Variants in PDGFRA observed in about 807,000 individuals in gnomAD.
The protein encoded by PDGFRA is platelet-derived growth factor receptor alpha.
Under a neutral mutation model 121.5 loss-of-function variants are expected in PDGFRA, and 25 were observed. That is an observed-to-expected ratio of 0.21 (90% CI 0.15 to 0.29). PDGFRA has a LOEUF of 0.29. Among genes scored for constraint, PDGFRA ranks in the 10% least tolerant of loss-of-function variants. The pLI is 1.00. For synonymous variants in PDGFRA, 463 were observed against 494.8 expected (o/e 0.94, Z 0.85); for missense variants, 1,008 against 1,345.1 (o/e 0.75, Z 3.92).
chr4:54,287,175 T>G (rs918965807), intron 18 of PDGFRA, among the ~76,000 whole-genome samples: 1 of 152,222 alleles, frequency 6.6e-6, no homozygotes, highest in African/African-American at 2.4e-5. Flanking sequence ...GATTAATGTT[T>G]TTGGATATTA....
At chr4:54,274,427 C>A (rs1340947273) in intron 10 of PDGFRA, 104 bp from the exon 11 acceptor site, 8 of 834,586 alleles carry the variant, frequency 9.6e-6, no homozygotes, top group Non-Finnish European at 1.7e-5. Flanking sequence ...ACTTCCCCAC[C>A]AGCAGTGAGA....
intron 1 of PDGFRA, among the ~76,000 whole-genome samples, chr4:54,248,321 C>T (rs1228287599): frequency 1.3e-5 from 2 of 152,184 alleles, no homozygotes; most frequent in Non-Finnish European, 1.5e-5. Context: ...AACTATACTA[C>T]AAAGCTACAG....
At chr4:54,239,334 T>C (rs1038621971) in intron 1 of PDGFRA, among the ~76,000 whole-genome samples, 1 of 152,260 alleles carries the variant, frequency 6.6e-6, no homozygotes, top group African/African-American at 2.4e-5. Context: ...GCAGTTGCTG[T>C]GCCCATGGAG....
intron 1 of PDGFRA, among the ~76,000 whole-genome samples, chr4:54,249,441 A>G (rs1207111805): frequency 6.6e-6 from 1 of 152,248 alleles, no homozygotes; most frequent in Non-Finnish European, 1.5e-5. Context: ...ACACCATGGA[A>G]TAGTATGCAG....
chr4:54,267,920 C>T (rs1033329986), intron 7 of PDGFRA, among the ~76,000 whole-genome samples, 179 bp downstream of exon 7: 1 of 152,086 alleles, frequency 6.6e-6, no homozygotes, highest in Non-Finnish European at 1.5e-5. Context: ...TATTAGTATG[C>T]TGGTAAGTAT....
chr4:54,242,805 G>A (rs960843397), intron 1 of PDGFRA, among the ~76,000 whole-genome samples: 7 of 152,026 alleles, frequency 4.6e-5, no homozygotes, highest in African/African-American at 1.2e-4. Flanking sequence ...CACAGACCTC[G>A]TTTTGGGAGA....
At chr4:54,253,125 A>G (rs1722147487) in intron 1 of PDGFRA, among the ~76,000 whole-genome samples, 1 of 152,130 alleles carries the variant, frequency 6.6e-6, no homozygotes, top group South Asian at 2.1e-4. Flanking sequence ...CAGAGTTCAG[A>G]TCCATGTCTC....
At chr4:54,282,979 G>A (rs1475261289) in intron 16 of PDGFRA, among the ~76,000 whole-genome samples, 3 of 152,210 alleles carry the variant, frequency 2.0e-5, no homozygotes, top group African/African-American at 7.2e-5. Flanking sequence ...ACTGATGCAA[G>A]GGGTGGAGCT....
At chr4:54,263,572 T>G in intron 3 of PDGFRA, 95 bp from the exon 4 acceptor site, 4 of 1,170,938 alleles carry the variant, frequency 3.4e-6, no homozygotes, top group African/African-American at 1.5e-5. Flanking sequence ...ACTTCATACC[T>G]AATATCAATA....
chr4:54,249,294 G>A (rs1393451663), intron 1 of PDGFRA, among the ~76,000 whole-genome samples: 9 of 152,134 alleles, frequency 5.9e-5, no homozygotes, highest in Admixed American at 1.3e-4. Context: ...GTATATACCC[G>A]AAGGATTATA....
At chr4:54,275,734 A>G (rs552298542) in intron 12 of PDGFRA, among the ~76,000 whole-genome samples, 1 of 152,364 alleles carries the variant, frequency 6.6e-6, no homozygotes, top group East Asian at 1.9e-4. Flanking sequence ...GAAATCAAGC[A>G]AGGCACCAGA....
chr4:54,260,445 C>T (rs896112382), intron 2 of PDGFRA, among the ~76,000 whole-genome samples: 1 of 119,600 alleles, frequency 8.4e-6, no homozygotes, highest in Non-Finnish European at 1.6e-5. Context: ...GTCTCTCGCT[C>T]TATTGCCCAG....
chr4:54,278,113 A>G (rs980799728), intron 14 of PDGFRA, 107 bp downstream of exon 14: 6 of 783,980 alleles, frequency 7.7e-6, no homozygotes, highest in African/African-American at 3.4e-5. Flanking sequence ...CATGGCAGGG[A>G]ATAGAAGTCC....
intron 2 of PDGFRA, 114 bp from the exon 3 acceptor site, chr4:54,260,981 T>G: frequency 1.1e-6 from 1 of 940,674 alleles, no homozygotes; most frequent in Non-Finnish European, 1.7e-6. Context: ...CTAACGGATT[T>G]TTGTGTAGAA....
chr4:54,282,675 A>G (rs1014012930), intron 16 of PDGFRA, among the ~76,000 whole-genome samples: 1 of 152,066 alleles, frequency 6.6e-6, no homozygotes, highest in South Asian at 2.1e-4. Flanking sequence ...TCAAAATACA[A>G]TCATCCCTCC....
chr4:54,265,301 G>A (rs1419314418), intron 5 of PDGFRA: 5 of 440,326 alleles, frequency 1.1e-5, no homozygotes, highest in Admixed American at 6.8e-5. Context: ...TTCTTTTTCA[G>A]AAGTCAGACA....
chr4:54,248,253 G>A (rs1438596154), intron 1 of PDGFRA, among the ~76,000 whole-genome samples: 3 of 152,140 alleles, frequency 2.0e-5, no homozygotes, highest in Non-Finnish European at 2.9e-5. Flanking sequence ...AGCCCGCATC[G>A]CCAAGTCAGT....
At chr4:54,263,586 C>A in intron 3 of PDGFRA, 81 bp from the exon 4 acceptor site, 1 of 1,310,382 alleles carries the variant, frequency 7.6e-7, no homozygotes, top group Non-Finnish European at 1.1e-6. Flanking sequence ...ATCAATAATG[C>A]CAGTGGGATA....
At chr4:54,258,349 A>G (rs1429514308) in intron 1 of PDGFRA, among the ~76,000 whole-genome samples, 1 of 152,114 alleles carries the variant, frequency 6.6e-6, no homozygotes, top group Non-Finnish European at 1.5e-5. Context: ...ATATTAAGGT[A>G]TTTACCCCAA....
Sources: allele counts gnomAD v4.1 joint callset (sites outside exome capture counted in the v4.1 genomes callset), GRCh38; gene constraint gnomAD v4.1.1; transcripts MANE v1.5; gene names NCBI Gene and HGNC (gene_info 2026-07-23, HGNC 2026-07-21).